Variants in CSK observed in about 807,000 individuals in gnomAD.
CSK encodes the protein C-terminal Src kinase.
In CSK, 7 loss-of-function variants were observed where a neutral mutation model predicts 62.3. That is an observed-to-expected ratio of 0.11 (90% CI 0.06 to 0.21). The LOEUF is 0.21. CSK is among the 10% of genes least tolerant of loss of function. CSK has a pLI of 1.00. For missense variants in CSK, 294 were observed against 613.5 expected, an observed-to-expected ratio of 0.48 and a Z score of 5.50; for synonymous variants, 237 against 246.0, an observed-to-expected ratio of 0.96 and a Z score of 0.34.
intron 5 of CSK, among the ~76,000 whole-genome samples, chr15:74,800,169 C>T (rs1264350805): frequency 1.3e-5 from 2 of 152,208 alleles, no homozygotes; most frequent in Non-Finnish European, 1.5e-5. Flanking sequence ...ACCCATGGGG[C>T]CCAGAGTGGT....
In CSK at chr15:74,799,434, C is replaced by T; in HGVS notation, c.405C>T (p.Ala135=). The change falls in exon 5 of 13, where the codon GCC becomes GCT. Residue 135 remains alanine, a synonymous_variant. Transcript: ENST00000220003. ...KVEHYRIMYH[A]SKLSIDEEVY... ...AGCACTACCGCATCATGTACCATGC[C>T]AGCAAGCTCAGCATCGACGAGGAGG... The T allele has an allele frequency of 6.2e-7, 1 of 1,613,610 alleles. No homozygotes were observed. Among genetic ancestry groups the T allele is most frequent in the South Asian group, 1.1e-5 (1 of 91,082 alleles).
At position 74,799,097 on chromosome 15, in the gene CSK, G is replaced by A. The variant is rs1209602697; in HGVS notation, c.242+159G>A. The A allele has an allele frequency of 3.8e-5, 36 of 947,154 alleles. No homozygotes were observed. In the East Asian group the frequency reaches 8.9e-4, roughly 23 times the overall value. The allele number at this position is 947,154 out of a possible 1,614,324, so 58.7% of individuals were successfully genotyped here. A position where few individuals can be genotyped will look rare whatever the true frequency, so the allele number is the denominator to read the frequency against. ...GTGCGGGACCTCACAGAGCAGGGCTGGGGGCAGAGGCAGGAGGGTGGCAAA... is the reference window on the plus strand; with the variant it reads ...GTGCGGGACCTCACAGAGCAGGGCTAGGGGCAGAGGCAGGAGGGTGGCAAA... On this transcript the variant is annotated intron_variant, in intron 4 of 12. Transcript: ENST00000220003.
intron 1 of CSK, among the ~76,000 whole-genome samples, chr15:74,785,843 T>G (rs1401775529): frequency 6.6e-6 from 1 of 152,044 alleles, no homozygotes; most frequent in Non-Finnish European, 1.5e-5. Flanking sequence ...CTGCCTTCCC[T>G]TCTCCCCATT....
intron 1 of CSK, among the ~76,000 whole-genome samples, chr15:74,784,962 C>T (rs753187257): frequency 7.9e-5 from 12 of 152,156 alleles, no homozygotes; most frequent in Admixed American, 2.0e-4. Flanking sequence ...GTCCCAGACA[C>T]GTGGGCCAGA....
chr15:74,793,803 C>CG (rs2141806034), intron 1 of CSK, among the ~76,000 whole-genome samples: 1 of 152,118 alleles, frequency 6.6e-6, no homozygotes, highest in East Asian at 1.9e-4. Flanking sequence ...TGCAAACTGA[C>CG]AGCTGGAAGG....
intron 1 of CSK, among the ~76,000 whole-genome samples, chr15:74,786,042 T>TGTGTGTGTGTGTGTGTGTGTGTGA (rs1316590295): frequency 2.4e-4 from 28 of 114,894 alleles, no homozygotes; most frequent in Middle Eastern, 0.01. Context: ...TGTGTGTGTG[T>TGTGTGTGTGTGTGTGTGTGTGTGA]GAGATGGAGT....
chr15:74,802,277 G>T, intron 12 of CSK, 54 bp from the exon 13 acceptor site: 1 of 1,515,402 alleles, frequency 6.6e-7, no homozygotes. Flanking sequence ...TGCTGGGTAG[G>T]TGTCCTCTCT....
At chr15:74,801,278 A>T (rs1373289644) in intron 9 of CSK, among the ~76,000 whole-genome samples, 176 bp downstream of exon 9, 2 of 152,126 alleles carry the variant, frequency 1.3e-5, no homozygotes, top group African/African-American at 4.8e-5. Flanking sequence ...AAATCATGTC[A>T]CCTCCAAGCC....
chr15:74,802,369 C>T lies in CSK; in HGVS notation c.1209C>T (p.Tyr403=), dbSNP rs2063806487. Reference sequence around the variant, plus strand: ...TCGTCCCTCGGGTGGAGAAGGGCTACAAGATGGATGCCCCCGACGGCTGCC... The same window carrying T: ...TCGTCCCTCGGGTGGAGAAGGGCTATAAGATGGATGCCCCCGACGGCTGCC... The part of the protein sequence containing the change: ...KDVVPRVEKG[Y]KMDAPDGCPP... Residue 403 remains tyrosine, a synonymous_variant, in exon 13 of 13, where the codon TAC becomes TAT. Transcript: ENST00000220003. 6.2e-7 allele frequency: 1 copy of T among 1,610,018 alleles called. No individual in the cohort carries two copies. Among genetic ancestry groups the T allele is most frequent in the Non-Finnish European group, 8.5e-7 (1 of 1,179,110 alleles).
chr15:74,801,726 G>T lies in CSK; in HGVS notation c.919G>T (p.Gly307Cys). 1.2e-6 allele frequency: 2 copies of T among 1,613,942 alleles called. No homozygotes were observed. Among genetic ancestry groups the T allele is most frequent in the Non-Finnish European group, 8.5e-7 (1 of 1,179,904 alleles). Reference protein sequence around the residue: ...DVCEAMEYLEGNNFVHRDLAA... With the variant: ...DVCEAMEYLECNNFVHRDLAA... Reference sequence around the variant, plus strand: ...CTGCGAGGCCATGGAATACCTGGAGGGCAACAATTTCGTGCATCGAGACCT... The same window carrying T: ...CTGCGAGGCCATGGAATACCTGGAGTGCAACAATTTCGTGCATCGAGACCT... Residue 307 changes from glycine to cysteine, a missense_variant, in exon 11 of 13, where the codon GGC becomes TGC. Coordinates refer to ENST00000220003, the MANE Select transcript of CSK (RefSeq NM_004383.3).
At chr15:74,791,620 A>G (rs150181445) in intron 1 of CSK, among the ~76,000 whole-genome samples, 22 of 152,348 alleles carry the variant, frequency 1.4e-4, no homozygotes, top group African/African-American at 5.0e-4. Context: ...ATAGAATTCA[A>G]TTCAAGATCA....
At chr15:74,799,210 G>T (rs1954422631) in intron 4 of CSK, 62 bp from the exon 5 acceptor site, 3 of 1,521,788 alleles carry the variant, frequency 2.0e-6, no homozygotes, top group Admixed American at 3.7e-5. Context: ...AACCCCTTCA[G>T]AAAGGGGAGC....
chr15:74,790,173 G>A (rs2063596561), intron 1 of CSK, among the ~76,000 whole-genome samples: 5 of 152,234 alleles, frequency 3.3e-5, no homozygotes, highest in Admixed American at 3.3e-4. Flanking sequence ...AGAATCTCCG[G>A]GGGCCAGGGC....
intron 1 of CSK, among the ~76,000 whole-genome samples, chr15:74,785,173 C>G (rs1325842620): frequency 1.3e-5 from 2 of 152,224 alleles, no homozygotes; most frequent in African/African-American, 4.8e-5. Context: ...TTTTCCCCAT[C>G]CTTTTCCTTC....
intron 1 of CSK, among the ~76,000 whole-genome samples, chr15:74,793,417 C>G (rs920432397): frequency 6.6e-6 from 1 of 152,210 alleles, no homozygotes; most frequent in Non-Finnish European, 1.5e-5. Flanking sequence ...TCTCCCTTGC[C>G]CCTAGGCTAG....
chr15:74,791,807 C>T (rs1198306070), intron 1 of CSK, among the ~76,000 whole-genome samples: 1 of 152,110 alleles, frequency 6.6e-6, no homozygotes, highest in Non-Finnish European at 1.5e-5. Flanking sequence ...GCAGGAACGC[C>T]CCCCCGGGCA....
intron 1 of CSK, among the ~76,000 whole-genome samples, chr15:74,791,940 G>C (rs1350193): frequency 0.67 from 101,512 of 152,100 alleles, 34,222 homozygotes; most frequent in Middle Eastern, 0.72. Flanking sequence ...GCTCCTTCCT[G>C]TTTCCAATTA....
chr15:74,794,857 G>A (rs1272038359), intron 1 of CSK, among the ~76,000 whole-genome samples: 1 of 152,096 alleles, frequency 6.6e-6, no homozygotes, highest in Non-Finnish European at 1.5e-5. Flanking sequence ...CCCCCCTGCT[G>A]AGGCCCCATC....
At position 74,798,899 on chromosome 15, in the gene CSK, G is replaced by A; in HGVS notation, c.203G>A (p.Arg68Gln). The A allele has an allele frequency of 1.9e-6, 3 of 1,541,756 alleles. No homozygotes were observed. Among genetic ancestry groups the A allele is most frequent in the Non-Finnish European group, 2.6e-6 (3 of 1,145,176 alleles). The change falls in exon 4 of 13, where the codon CGG becomes CAG. Residue 68 changes from arginine (R) to glutamine (Q), a missense_variant. Around this residue, in one of 3 missense-constraint regions of CSK, gnomAD observed 202 missense variants for 415.7 expected, o/e 0.49. Transcript: ENST00000220003. This position sits in a 1 kb window ranked among gnomAD's most constrained non-coding sequence, Gnocchi z 6.6. ...ATCCCAGCCAACTACGTCCAGAAGC[G>A]GGAGGGCGTGAAGGCGGGTACCAAA... is the stretch of plus-strand genomic sequence containing the variant. ...GIIPANYVQKREGVKAGTKLS... is the reference protein window; with the variant it reads ...GIIPANYVQKQEGVKAGTKLS...
Sources: allele counts gnomAD v4.1 joint callset (sites outside exome capture counted in the v4.1 genomes callset), GRCh38; gene constraint gnomAD v4.1.1; regional missense constraint gnomAD v4.1.1; non-coding constraint Gnocchi (gnomAD v3.1); transcripts MANE v1.5; gene names NCBI Gene and HGNC (gene_info 2026-07-23, HGNC 2026-07-21).